FARS2: variants seen among roughly 807,000 people sequenced by gnomAD.
FARS2 encodes the protein phenylalanyl-tRNA synthetase 2, mitochondrial.
In FARS2, 40 loss-of-function variants were observed where a neutral mutation model predicts 46.4. The observed-to-expected ratio is 0.86, with a 90% CI of 0.67 to 1.12. The LOEUF is 1.12. Among genes scored for constraint, FARS2 ranks in the 50% most tolerant of loss-of-function variants. FARS2 has a pLI of 0.00. For missense variants in FARS2, 513 were observed against 567.9 expected (o/e 0.90, Z 0.98); for synonymous variants, 234 against 214.9 (o/e 1.09, Z -0.78).
intron 6 of FARS2, among the ~76,000 whole-genome samples, chr6:5,646,953 A>G (rs1420657276): frequency 6.6e-6 from 1 of 152,168 alleles, no homozygotes; most frequent in Non-Finnish European, 1.5e-5. Flanking sequence ...AAAGATTTTC[A>G]TCAGAGAATA....
At chr6:5,702,555 T>C (rs532674714) in intron 6 of FARS2, among the ~76,000 whole-genome samples, 66 of 152,378 alleles carry the variant, frequency 4.3e-4, no homozygotes, top group African/African-American at 1.5e-3. Flanking sequence ...GTCAATTCAC[T>C]AATTTAATGG....
chr6:5,567,816 C>T (rs139380803), intron 5 of FARS2, among the ~76,000 whole-genome samples: 1 of 152,234 alleles, frequency 6.6e-6, no homozygotes, highest in Admixed American at 6.5e-5. Flanking sequence ...TTTAGCTAGT[C>T]GCTAGCTATT....
intron 2 of FARS2, among the ~76,000 whole-genome samples, chr6:5,395,156 T>C (rs112238818): frequency 0.019 from 2,843 of 152,216 alleles, 85 homozygotes; most frequent in African/African-American, 0.062. Context: ...GTTCAAGCGA[T>C]TCTCCTGCCT....
intron 6 of FARS2, among the ~76,000 whole-genome samples, chr6:5,650,555 A>G (rs1217171000): frequency 6.6e-6 from 1 of 152,158 alleles, no homozygotes; most frequent in Non-Finnish European, 1.5e-5. Flanking sequence ...ATCTCAGCTC[A>G]CTGCAAGCTC....
At chr6:5,251,573 A>T in the FARS2 span, among the ~76,000 whole-genome samples, 1 of 152,166 alleles carries the variant, frequency 6.6e-6, no homozygotes, top group Non-Finnish European at 1.5e-5. Flanking sequence ...ACCGGATCTC[A>T]TGAGAACTCA....
At chr6:5,288,086 A>G (rs17736761) in intron 1 of FARS2, among the ~76,000 whole-genome samples, 15,612 of 152,080 alleles carry the variant, frequency 0.1, 1,021 homozygotes, top group Middle Eastern at 0.15. Flanking sequence ...ACTGCATCCA[A>G]CATGTTTGTT....
chr6:5,516,557 T>C (rs182533456), intron 4 of FARS2, among the ~76,000 whole-genome samples: 24 of 152,350 alleles, frequency 1.6e-4, no homozygotes, highest in Non-Finnish European at 2.1e-4. Context: ...TATTCTGTGT[T>C]AGCTAATTTT....
At chr6:5,465,341 G>T (rs1449962708) in intron 4 of FARS2, among the ~76,000 whole-genome samples, 2 of 152,228 alleles carry the variant, frequency 1.3e-5, no homozygotes, top group Admixed American at 1.3e-4. Context: ...TAGCAAGGTG[G>T]TTGGTTGGTG....
At chr6:5,481,810 A>AT (rs1554100120) in intron 4 of FARS2, among the ~76,000 whole-genome samples, 8 of 151,454 alleles carry the variant, frequency 5.3e-5, no homozygotes, top group African/African-American at 1.2e-4. Flanking sequence ...TGTTAAAAAG[A>AT]CCCCCCTTGC....
In FARS2 at chr6:5,311,202, A is replaced by T. The variant is rs1334637788; in HGVS notation, c.-22+49542A>T. 6.6e-6 allele frequency among the ~76,000 whole-genome samples: 1 copy of T among 152,238 alleles called. No homozygotes were observed. Among genetic ancestry groups the T allele is most frequent in the Non-Finnish European group, 1.5e-5 (1 of 68,036 alleles). On this transcript the variant is annotated intron_variant, in intron 1 of 6. Coordinates refer to ENST00000274680, the MANE Select transcript of FARS2 (RefSeq NM_006567.5). This position sits in a 1 kb window ranked among gnomAD's most constrained non-coding sequence, Gnocchi z 4.1. ...TATGTGCTGTCAGAGAGGGAATTCC[A>T]GTGCATTTTGTTATTAAGTAAAAAG...
At chr6:5,458,735 ATTAT>A (rs1314001556) in intron 4 of FARS2, among the ~76,000 whole-genome samples, 1 of 152,138 alleles carries the variant, frequency 6.6e-6, no homozygotes, top group Admixed American at 6.5e-5. Flanking sequence ...GGAGTAAAGG[ATTAT>A]TTATTTCCCT....
At chr6:5,509,253 A>G (rs1392991176) in intron 4 of FARS2, among the ~76,000 whole-genome samples, 1 of 152,252 alleles carries the variant, frequency 6.6e-6, no homozygotes, top group Non-Finnish European at 1.5e-5. Context: ...CTAAACTTCC[A>G]GCTTTGCCCA....
chr6:5,414,154 C>T (rs1023830284), intron 3 of FARS2, among the ~76,000 whole-genome samples: 5 of 152,174 alleles, frequency 3.3e-5, no homozygotes, highest in African/African-American at 4.8e-5. Flanking sequence ...TTAGTTCATT[C>T]TAATGGTTTC....
chr6:5,453,096 A>T (rs1269735852), intron 4 of FARS2, among the ~76,000 whole-genome samples: 1 of 152,190 alleles, frequency 6.6e-6, no homozygotes, highest in South Asian at 2.1e-4. Context: ...TTTGCACAAC[A>T]TAGTAAATTG....
chr6:5,623,028 G>A (rs1347037619), intron 6 of FARS2, among the ~76,000 whole-genome samples: 1 of 152,200 alleles, frequency 6.6e-6, no homozygotes, highest in Non-Finnish European at 1.5e-5. Context: ...TGGAAGGCAT[G>A]GGTGAGTCCT....
intron 6 of FARS2, among the ~76,000 whole-genome samples, chr6:5,752,628 T>C (rs1762013665): frequency 6.6e-6 from 1 of 152,136 alleles, no homozygotes; most frequent in South Asian, 2.1e-4. Context: ...GTTAGAAACA[T>C]GCTTTCCCCT....
chr6:5,761,836 T>C (rs1046422616), intron 6 of FARS2, among the ~76,000 whole-genome samples: 47 of 151,168 alleles, frequency 3.1e-4, no homozygotes, highest in African/African-American at 1.1e-3. Flanking sequence ...AAAGAGGCAT[T>C]TGTATACAAT....
rs562200364 is a variant in FARS2 at position 5,746,847 on chromosome 6, G to A, written c.1218-24444G>A. ...AGAGAACAAAACTAAGAAGGAGAAA[G>A]CTCTGTGCATGTACAGCTGGCAAGT... On this transcript the variant is annotated intron_variant, in intron 6 of 6. Transcript: ENST00000274680. Among the ~76,000 whole-genome samples the A allele has an allele frequency of 8.9e-4, 135 of 152,288 alleles. 2 individuals are homozygous for A. The highest frequency in any genetic ancestry group is 1.6e-3 in the Non-Finnish European group (108 of 68,026).
At chr6:5,416,514 TACTTC>T (rs1762249419) in intron 3 of FARS2, among the ~76,000 whole-genome samples, 1 of 152,236 alleles carries the variant, frequency 6.6e-6, no homozygotes, top group South Asian at 2.1e-4. Flanking sequence ...CTTGACACAA[TACTTC>T]ACTGTCTTTA....
Sources: gnomAD v4.1 joint callset for allele counts (sites outside exome capture counted in the v4.1 genomes callset) on GRCh38, gnomAD v4.1.1 for gene constraint, Gnocchi (gnomAD v3.1) non-coding constraint, MANE v1.5 for transcripts, NCBI Gene and HGNC (gene_info 2026-07-23, HGNC 2026-07-21) for gene names.